FLOT1: variants seen among roughly 807,000 people sequenced by gnomAD.
The protein encoded by FLOT1 is flotillin 1, also known as flotillin-1.
Under a neutral mutation model 58.4 loss-of-function variants are expected in FLOT1, and 40 were observed. The ratio of observed to expected loss-of-function variants is 0.69; its 90% CI spans 0.53 to 0.89. The LOEUF (loss-of-function observed/expected upper bound fraction) is 0.89, where lower values mean the gene tolerates loss of function less well. Among genes scored for constraint, FLOT1 ranks in the 40% least tolerant of loss-of-function variants. FLOT1 has a pLI of 0.00. For synonymous variants in FLOT1, 178 were observed against 204.2 expected (o/e 0.87, Z 1.09); for missense variants, 423 against 540.8 (o/e 0.78, Z 2.16).
At chr6:30,734,523 G>T (rs1777430670) in intron 8 of FLOT1, among the ~76,000 whole-genome samples, 1 of 151,978 alleles carries the variant, frequency 6.6e-6, no homozygotes, top group East Asian at 1.9e-4. Context: ...TAGCCAGGAT[G>T]GTCTCGATCT....
At chr6:30,735,176 G>A (rs1225619510) in intron 8 of FLOT1, among the ~76,000 whole-genome samples, 1 of 151,632 alleles carries the variant, frequency 6.6e-6, no homozygotes. Flanking sequence ...GGTTGAGGGG[G>A]TTGGGGTTGG....
At chr6:30,729,565 G>C (rs1472948316) in intron 12 of FLOT1, among the ~76,000 whole-genome samples, 1 of 152,198 alleles carries the variant, frequency 6.6e-6, no homozygotes, top group Non-Finnish European at 1.5e-5. Flanking sequence ...AGGCATTGTA[G>C]CTAGGATTCG....
chr6:30,727,854 A>T lies in FLOT1; in HGVS notation c.*262T>A. Reference sequence around the variant, plus strand: ...CTCAAACAGTCTGATTTAATTAGGAAGTTAAATAAGTTGAGGTGGGGTGGA... The same window carrying T: ...CTCAAACAGTCTGATTTAATTAGGATGTTAAATAAGTTGAGGTGGGGTGGA... On this transcript the variant is annotated 3_prime_UTR_variant, in exon 13 of 13. Transcript: ENST00000376389. 1.7e-6 allele frequency: 1 copy of T among 589,276 alleles called. No homozygotes were observed. Among genetic ancestry groups the T allele is most frequent in the Non-Finnish European group, 3.0e-6 (1 of 329,920 alleles). 36.5% of individuals were successfully genotyped at this position (589,276 alleles called of 1,614,324 possible).
chr6:30,729,904 A>G, intron 12 of FLOT1, 118 bp downstream of exon 12: 3 of 871,748 alleles, frequency 3.4e-6, no homozygotes, highest in Non-Finnish European at 3.6e-6. Context: ...TGGCACACAG[A>G]AAGTGATTAA....
chr6:30,736,007 T>C (rs1017734152), intron 8 of FLOT1, among the ~76,000 whole-genome samples: 2 of 152,068 alleles, frequency 1.3e-5, no homozygotes, highest in Non-Finnish European at 2.9e-5. Flanking sequence ...TCCTAGCATT[T>C]TGGGAGGCTG....
Position 30,737,129 on chromosome 6 carries a change from C to G in FLOT1, c.723+3029G>C, listed in dbSNP as rs940666670. ...CAGATCAGAAACCTCCTTTCTGACT[C>G]CACCTCACAGCCTTTGCACTTACTG... On this transcript the variant is annotated intron_variant, in intron 8 of 12. Coordinates refer to ENST00000376389, the MANE Select transcript of FLOT1 (RefSeq NM_005803.4). The surrounding 1 kb of genome is among the most constrained non-coding windows in gnomAD (Gnocchi z 4.4). 1.3e-5 allele frequency among the ~76,000 whole-genome samples: 2 copies of G among 152,012 alleles called. No individual in the cohort carries two copies. Among genetic ancestry groups the G allele is most frequent in the Admixed American group, 1.3e-4 (2 of 15,246 alleles).
chr6:30,740,967 AG>A, intron 5 of FLOT1, 169 bp from the exon 6 acceptor site: 1 of 1,150,114 alleles, frequency 8.7e-7, no homozygotes, highest in Non-Finnish European at 1.2e-6. Context: ...TTGTATTTGT[AG>A]TAGAGAAGGG....
chr6:30,728,684 G>A (rs1398130376), intron 12 of FLOT1, among the ~76,000 whole-genome samples: 1 of 151,868 alleles, frequency 6.6e-6, no homozygotes, highest in African/African-American at 2.4e-5. Context: ...TGGCCAGGGT[G>A]ATCTCAAACT....
chr6:30,742,314 G>A lies in FLOT1; in HGVS notation c.-14-111C>T. On this transcript the variant is annotated intron_variant, in intron 1 of 12. Coordinates refer to ENST00000376389, the MANE Select transcript of FLOT1 (RefSeq NM_005803.4). This position sits in a 1 kb window ranked among gnomAD's most constrained non-coding sequence, Gnocchi z 5.2. ...GGCCCTCCCAGTCTGCATCCGCCAC[G>A]GCCCGTCCCTTCTACACCCATGGGT... 1.1e-6 allele frequency: 1 copy of A among 893,398 alleles called. No individual in the cohort carries two copies. Among genetic ancestry groups the A allele is most frequent in the Non-Finnish European group, 1.9e-6 (1 of 536,120 alleles). The allele number at this position is 893,398 out of a possible 1,614,324, so 55.3% of individuals were successfully genotyped here. A position where few individuals can be genotyped will look rare whatever the true frequency, so the allele number is the denominator to read the frequency against.
rs1777680724 is a variant in FLOT1 at position 30,737,471 on chromosome 6, T to A, written c.723+2687A>T. ...GACAGGGTTTCACTGTTGGCCAGAC[T>A]GGTCTCAAACTCCCGGCCTCAAGTG... On this transcript the variant is annotated intron_variant, in intron 8 of 12. Transcript: ENST00000376389. The surrounding 1 kb of genome is among the most constrained non-coding windows in gnomAD (Gnocchi z 4.4). Among the ~76,000 whole-genome samples the A allele has an allele frequency of 6.6e-6, 1 of 152,134 alleles. No homozygotes were observed. The highest frequency in any genetic ancestry group is 2.4e-5 in the African/African-American group (1 of 41,444).
At chr6:30,735,860 C>G (rs1777529785) in intron 8 of FLOT1, among the ~76,000 whole-genome samples, 1 of 152,140 alleles carries the variant, frequency 6.6e-6, no homozygotes, top group Non-Finnish European at 1.5e-5. Flanking sequence ...GTTTCAAGCT[C>G]AGCTGTGTCA....
chr6:30,734,188 A>G (rs1777407532), intron 8 of FLOT1, among the ~76,000 whole-genome samples: 1 of 150,082 alleles, frequency 6.7e-6, no homozygotes, highest in Admixed American at 6.7e-5. Flanking sequence ...CAATGTATAT[A>G]TTTTTCATTC....
At position 30,737,956 on chromosome 6, in the gene FLOT1, C is replaced by T. The variant is rs1050076568; in HGVS notation, c.723+2202G>A. ...ATCCTTCTTTCCTGAACACCTAGCA[C>T]ACTGCCTGGTGCATAACGAGAAACT... On this transcript the variant is annotated intron_variant, in intron 8 of 12. Coordinates refer to ENST00000376389, the MANE Select transcript of FLOT1 (RefSeq NM_005803.4). The surrounding 1 kb of genome is among the most constrained non-coding windows in gnomAD (Gnocchi z 4.4). Among the ~76,000 whole-genome samples, 12 of 152,216 alleles carry T rather than the reference C, an allele frequency of 7.9e-5. No homozygotes were observed. Among genetic ancestry groups the T allele is most frequent in the African/African-American group, 2.7e-4 (11 of 41,456 alleles).
chr6:30,735,600 C>T (rs1349997857), intron 8 of FLOT1, among the ~76,000 whole-genome samples: 1 of 144,822 alleles, frequency 6.9e-6, no homozygotes, highest in Non-Finnish European at 1.5e-5. Context: ...ACTGCACCTG[C>T]ACTCCAGCCT....
At chr6:30,732,856 G>A (rs56085627) in intron 8 of FLOT1, among the ~76,000 whole-genome samples, 5 of 152,014 alleles carry the variant, frequency 3.3e-5, no homozygotes, top group African/African-American at 1.2e-4. Context: ...AACTGGCCTC[G>A]TTGCCCTCTA....
Position 30,737,238 on chromosome 6 carries a change from G to GTCCATCCATCCATCCA in FLOT1, c.723+2919_723+2920insTGGATGGATGGATGGA, listed in dbSNP as rs1347649821. On this transcript the variant is annotated intron_variant, in intron 8 of 12. Transcript: ENST00000376389. This position sits in a 1 kb window ranked among gnomAD's most constrained non-coding sequence, Gnocchi z 4.4. ...CGTCCGTCCGTCCGTCCGTCCGTCCGTCCGTCCGTCCATCCGTCCATCCAT... is the reference window on the plus strand; with the variant it reads ...CGTCCGTCCGTCCGTCCGTCCGTCCGTCCATCCATCCATCCATCCGTCCGTCCATCCGTCCATCCAT... Among the ~76,000 whole-genome samples, 701 of 129,738 alleles carry GTCCATCCATCCATCCA rather than the reference G, an allele frequency of 5.4e-3. 2 individuals carry two copies. Among genetic ancestry groups the GTCCATCCATCCATCCA allele is most frequent in the Middle Eastern group, 0.016 (4 of 258 alleles). 85.1% of individuals were successfully genotyped at this position (129,738 alleles called of 152,430 possible).
chr6:30,728,981 T>G (rs1185654405), intron 12 of FLOT1, among the ~76,000 whole-genome samples: 1 of 151,934 alleles, frequency 6.6e-6, no homozygotes, highest in Non-Finnish European at 1.5e-5. Flanking sequence ...GGTTTCACTG[T>G]GTTAGCCAGG....
intron 11 of FLOT1, 46 bp from the exon 12 acceptor site, chr6:30,730,232 T>A: frequency 1.2e-6 from 2 of 1,600,830 alleles, no homozygotes; most frequent in Non-Finnish European, 1.7e-6. Flanking sequence ...TCTGACCACA[T>A]TCCTCATAAA....
intron 8 of FLOT1, among the ~76,000 whole-genome samples, chr6:30,739,463 G>A (rs560560860): frequency 3.3e-5 from 5 of 151,682 alleles, no homozygotes; most frequent in South Asian, 2.1e-4. Flanking sequence ...TCTGTCTCCC[G>A]GGTTCAAGCA....
Sources: gnomAD v4.1 joint callset for allele counts (sites outside exome capture counted in the v4.1 genomes callset) on GRCh38, gnomAD v4.1.1 for gene constraint, Gnocchi (gnomAD v3.1) non-coding constraint, MANE v1.5 for transcripts, NCBI Gene and HGNC (gene_info 2026-07-23, HGNC 2026-07-21) for gene names.